AGAP1: variants seen among roughly 807,000 people sequenced by gnomAD.
The protein encoded by AGAP1 is ArfGAP with GTPase domain, ankyrin repeat and PH domain 1.
In AGAP1, 29 loss-of-function variants were observed where a neutral mutation model predicts 105.3. The ratio of observed to expected loss-of-function variants is 0.28; its 90% CI spans 0.21 to 0.38. The LOEUF is 0.38. Among genes scored for constraint, AGAP1 ranks in the 10% least tolerant of loss-of-function variants. AGAP1 has a pLI of 1.00. For synonymous variants in AGAP1, 509 were observed against 485.9 expected (o/e 1.05, Z -0.63); for missense variants, 998 against 1,165.1 (o/e 0.86, Z 2.09).
At chr2:236,102,782 G>C (rs1468423698) in intron 16 of AGAP1, among the ~76,000 whole-genome samples, 1 of 152,072 alleles carries the variant, frequency 6.6e-6, no homozygotes, top group Non-Finnish European at 1.5e-5. Context: ...GTGTTTTGTT[G>C]TGTTGTTTTA....
rs73996372 is a variant in AGAP1 at position 235,777,970 on chromosome 2, C to G, written c.674-19789C>G. Among the ~76,000 whole-genome samples the G allele has an allele frequency of 0.013, 2,053 of 152,214 alleles. 19 individuals carry two copies. Among genetic ancestry groups the G allele is most frequent in the Non-Finnish European group, 0.021 (1,426 of 68,018 alleles). On this transcript the variant is annotated intron_variant, in intron 6 of 17. Coordinates refer to ENST00000304032, the MANE Select transcript of AGAP1 (RefSeq NM_001037131.3). The surrounding 1 kb of genome is among the most constrained non-coding windows in gnomAD (Gnocchi z 5.1). The stretch of plus-strand genomic sequence containing the variant: ...GCCCCTCCTGGCTCTGCCCTGAGCC[C>G]GCTGCCCTCACCCTCTGCCTCAGAC...
chr2:235,543,735 C>G (rs1003226134), intron 1 of AGAP1, among the ~76,000 whole-genome samples: 2 of 152,184 alleles, frequency 1.3e-5, no homozygotes, highest in Non-Finnish European at 2.9e-5. Context: ...GGGCTGAAAC[C>G]ACCTCGGGCC....
chr2:235,706,259 C>G (rs1172696048), intron 1 of AGAP1, among the ~76,000 whole-genome samples: 2 of 152,202 alleles, frequency 1.3e-5, no homozygotes, highest in Non-Finnish European at 2.9e-5. Flanking sequence ...GAGTCTCGCT[C>G]TGTCGCCCAG....
At position 236,003,688 on chromosome 2, in the gene AGAP1, G is replaced by A. The variant is rs1266237628; in HGVS notation, c.1646-32873G>A. Among the ~76,000 whole-genome samples, 1 of 152,098 alleles carries A rather than the reference G, an allele frequency of 6.6e-6. No homozygotes were observed. Among genetic ancestry groups the A allele is most frequent in the Non-Finnish European group, 1.5e-5 (1 of 68,016 alleles). The stretch of plus-strand genomic sequence containing the variant: ...GGCAGTGCTGAGAGGAGAGCCTGGT[G>A]GGCACTTCCACCCTGATCAAATTCA... On this transcript the variant is annotated intron_variant, in intron 13 of 17. Transcript: ENST00000304032. This position sits in a 1 kb window ranked among gnomAD's most constrained non-coding sequence, Gnocchi z 4.2.
chr2:235,821,711 A>G (rs905000969), intron 9 of AGAP1, among the ~76,000 whole-genome samples: 19 of 152,280 alleles, frequency 1.2e-4, no homozygotes, highest in Non-Finnish European at 2.5e-4. Flanking sequence ...TAACTTATCT[A>G]TAGGCCTTCT....
Position 235,825,720 on chromosome 2 carries a change from A to G in AGAP1, c.1050+18389A>G, listed in dbSNP as rs1959026854. 2.6e-5 allele frequency among the ~76,000 whole-genome samples: 4 copies of G among 152,244 alleles called. 1 individual carries two copies. The South Asian group carries it at 6.2e-4, about 24-fold the overall frequency. On this transcript the variant is annotated intron_variant, in intron 9 of 17. Transcript: ENST00000304032. The stretch of plus-strand genomic sequence containing the variant: ...TGTTTGCATGTTGGTCAGTATATAC[A>G]ATAAAAAATAGTGTTTAATTTGAAA...
chr2:236,116,510 G>A (rs765239830), intron 16 of AGAP1, among the ~76,000 whole-genome samples: 10 of 151,602 alleles, frequency 6.6e-5, no homozygotes, highest in Non-Finnish European at 1.0e-4. Context: ...CCACCACACC[G>A]GCTAATTTTT....
intron 9 of AGAP1, among the ~76,000 whole-genome samples, chr2:235,871,527 C>G (rs1172568780): frequency 2.0e-5 from 3 of 152,252 alleles, no homozygotes; most frequent in Non-Finnish European, 1.5e-5. Context: ...AACTTCCACT[C>G]ATGCTTCTTA....
At chr2:235,748,084 A>G (rs975289424) in intron 5 of AGAP1, among the ~76,000 whole-genome samples, 5 of 152,244 alleles carry the variant, frequency 3.3e-5, no homozygotes, top group African/African-American at 4.8e-5. Flanking sequence ...AGACTTGCAA[A>G]TTAAATTGAT....
chr2:235,984,561 G>A (rs1244472732), intron 13 of AGAP1, among the ~76,000 whole-genome samples: 1 of 150,656 alleles, frequency 6.6e-6, no homozygotes, highest in Admixed American at 6.6e-5. Context: ...TGCCATGGTG[G>A]TTTGCGGCAC....
intron 13 of AGAP1, among the ~76,000 whole-genome samples, chr2:236,026,825 G>A (rs2057070790): frequency 6.6e-6 from 1 of 152,196 alleles, no homozygotes; most frequent in Admixed American, 6.5e-5. Flanking sequence ...TTGTTCTCTT[G>A]GCATGAGGAA....
intron 1 of AGAP1, chr2:235,507,279 T>C (rs1559209302): frequency 6.6e-6 from 1 of 152,436 alleles, no homozygotes; most frequent in Non-Finnish European, 1.5e-5. Flanking sequence ...TGAATCCGTG[T>C]TTAGGATGAG....
At position 236,039,859 on chromosome 2, in the gene AGAP1, G is replaced by A. The variant is rs13406441; in HGVS notation, c.1801-892G>A. 7.8e-3 allele frequency among the ~76,000 whole-genome samples: 1,192 copies of A among 152,266 alleles called. 12 individuals are homozygous for A. The highest frequency in any genetic ancestry group is 0.027 in the African/African-American group (1,130 of 41,556). On this transcript the variant is annotated intron_variant, in intron 14 of 17. Coordinates refer to ENST00000304032, the MANE Select transcript of AGAP1 (RefSeq NM_001037131.3). ...TAATAATGCTTAACTATGGATGGCC[G>A]TATGATTGTTTATTAATTTTATGTT...
intron 1 of AGAP1, among the ~76,000 whole-genome samples, chr2:235,516,730 C>T (rs1028560677): frequency 1.3e-4 from 20 of 152,130 alleles, no homozygotes; most frequent in Admixed American, 1.2e-3. Flanking sequence ...TGAGTGCATG[C>T]GGGTCCACTC....
chr2:235,878,633 G>A (rs1360476902), intron 9 of AGAP1, among the ~76,000 whole-genome samples: 3 of 152,158 alleles, frequency 2.0e-5, no homozygotes, highest in Admixed American at 6.5e-5. Flanking sequence ...AACAGAAACC[G>A]CTTCCTCTGG....
chr2:235,974,210 T>C (rs1368923513), intron 13 of AGAP1, among the ~76,000 whole-genome samples: 1 of 152,236 alleles, frequency 6.6e-6, no homozygotes, highest in Admixed American at 6.5e-5. Flanking sequence ...CAGAACTGTC[T>C]CTTGATTCTC....
chr2:235,807,155 G>T, intron 8 of AGAP1, 84 bp from the exon 9 acceptor site: 1 of 1,370,654 alleles, frequency 7.3e-7, no homozygotes, highest in Non-Finnish European at 1.0e-6. Flanking sequence ...AATGTGTATT[G>T]GCAGGAATTC....
intron 1 of AGAP1, among the ~76,000 whole-genome samples, chr2:235,595,998 T>C (rs759364549): frequency 6.6e-6 from 1 of 152,196 alleles, no homozygotes; most frequent in Non-Finnish European, 1.5e-5. Context: ...GGCCGGCAGA[T>C]GTTTCTGATG....
At position 235,549,564 on chromosome 2, in the gene AGAP1, T is replaced by C. The variant is rs142300212; in HGVS notation, c.163+54715T>C. 4.9e-3 allele frequency among the ~76,000 whole-genome samples: 739 copies of C among 152,284 alleles called. 6 individuals are homozygous for C. The highest frequency in any genetic ancestry group is 0.017 in the African/African-American group (691 of 41,546). ...CGTACAGAGTTGCATTGCTCCTCCG[T>C]CTTCCGCGTGCCTGTGGGCAGCTTT... On this transcript the variant is annotated intron_variant, in intron 1 of 17. Coordinates refer to ENST00000304032, the MANE Select transcript of AGAP1 (RefSeq NM_001037131.3). The surrounding 1 kb of genome is among the most constrained non-coding windows in gnomAD (Gnocchi z 4.2).
Sources: allele counts gnomAD v4.1 joint callset (sites outside exome capture counted in the v4.1 genomes callset), GRCh38; gene constraint gnomAD v4.1.1; non-coding constraint Gnocchi (gnomAD v3.1); transcripts MANE v1.5; gene names NCBI Gene and HGNC (gene_info 2026-07-23, HGNC 2026-07-21).